The following NPC1 variants were observed in gnomAD, a reference collection of about 807,000 sequenced individuals.
The protein encoded by NPC1 is Niemann-Pick C1 protein.
In NPC1, 85 loss-of-function variants were observed where a neutral mutation model predicts 140.4. The observed-to-expected ratio is 0.61, with a 90% CI of 0.51 to 0.72. NPC1 has a LOEUF of 0.72. Ranked by LOEUF, NPC1 falls within the 30% of genes least tolerant of loss-of-function variation. The pLI, the probability that NPC1 is intolerant of heterozygous loss-of-function variation, is 0.00. For missense variants in NPC1, 1,504 were observed against 1,623.8 expected (o/e 0.93, Z 1.27); for synonymous variants, 656 against 624.8 (o/e 1.05, Z -0.74).
chr18:23,527,185 A>T (rs1329399587), downstream of NPC1, among the ~76,000 whole-genome samples: 2 of 140,348 alleles, frequency 1.4e-5, no homozygotes, highest in African/African-American at 2.7e-5. Context: ...GGAGTTCGAG[A>T]CCAGCCTGGA....
intron 1 of NPC1, 76 bp from the exon 2 acceptor site, chr18:23,573,650 T>A (rs542298163): frequency 6.3e-7 from 1 of 1,574,834 alleles, no homozygotes; most frequent in East Asian, 2.2e-5. Flanking sequence ...CCCACTCAAG[T>A]ACAATCACAG....
intron 3 of NPC1, chr18:23,509,806 G>T (rs1292986747): frequency 6.6e-6 from 1 of 151,844 alleles, no homozygotes; most frequent in Non-Finnish European, 1.5e-5. Flanking sequence ...TGATCCACCC[G>T]CCTCGGCCTC....
downstream of NPC1, among the ~76,000 whole-genome samples, chr18:23,525,719 G>A (rs1008948328): frequency 1.3e-5 from 2 of 152,070 alleles, no homozygotes; most frequent in African/African-American, 4.8e-5. Flanking sequence ...CACCACAGCC[G>A]GCCTATAATT....
Position 23,553,146 on chromosome 18 carries a change from G to A in NPC1, c.1554-1419C>T, listed in dbSNP as rs547136295. Among the ~76,000 whole-genome samples, 9 of 152,308 alleles carry A rather than the reference G, an allele frequency of 5.9e-5. No individual in the cohort carries two copies. The South Asian group carries it at 1.0e-3, about 18-fold the overall frequency. Reference sequence around the variant, plus strand: ...CCAGGAGCCTGCCACTCCCTGTACCGCTTCCACACTGGTGGGAACCACGTC... The same window carrying A: ...CCAGGAGCCTGCCACTCCCTGTACCACTTCCACACTGGTGGGAACCACGTC... On this transcript the variant is annotated intron_variant, in intron 9 of 24. Coordinates refer to ENST00000269228, the MANE Select transcript of NPC1 (RefSeq NM_000271.5).
chr18:23,510,878 G>A (rs71202128), intron 3 of NPC1, among the ~76,000 whole-genome samples: 1 of 152,228 alleles, frequency 6.6e-6, no homozygotes, highest in African/African-American at 2.4e-5. Context: ...CTATTGCTGG[G>A]AGTGTAAATT....
chr18:23,530,337 C>T, downstream of NPC1: 1 of 1,613,996 alleles, frequency 6.2e-7, no homozygotes, highest in East Asian at 2.2e-5. Flanking sequence ...TGGAAACTAA[C>T]TCTGTTCCTG....
chr18:23,553,080 C>T (rs531553461), intron 9 of NPC1, among the ~76,000 whole-genome samples: 8 of 152,310 alleles, frequency 5.3e-5, no homozygotes, highest in South Asian at 2.1e-4. Flanking sequence ...GTTATGAGGA[C>T]GCGCACAAGC....
At chr18:23,512,301 G>A (rs6507706) in intron 3 of NPC1, among the ~76,000 whole-genome samples, 1,766 of 152,150 alleles carry the variant, frequency 0.012, 37 homozygotes, top group African/African-American at 0.041. Flanking sequence ...GATTACAGGC[G>A]TGAGCCACCA....
rs1208178293 is a variant in NPC1, at chr18:23,586,390, G to C, written c.-47C>G. ...TGACGCCGGCGGCGTTCGGCTGGTTGGGCTCCCCGGAGGCGGCTCTACTTC... is the reference window on the plus strand; with the variant it reads ...TGACGCCGGCGGCGTTCGGCTGGTTCGGCTCCCCGGAGGCGGCTCTACTTC... On this transcript the variant is annotated 5_prime_UTR_variant, in exon 1 of 25. Transcript: ENST00000269228. 5 of 1,530,014 alleles carry C rather than the reference G, an allele frequency of 3.3e-6. 1 individual carries two copies. Among genetic ancestry groups the C allele is most frequent in the South Asian group, 2.4e-5 (2 of 83,492 alleles). 94.8% of individuals were successfully genotyped at this position (1,530,014 alleles called of 1,614,324 possible).
At chr18:23,561,895 G>A (rs1284238526) in intron 4 of NPC1, among the ~76,000 whole-genome samples, 3 of 152,160 alleles carry the variant, frequency 2.0e-5, no homozygotes, top group Admixed American at 6.5e-5. Context: ...AGTTAACAAA[G>A]CTGGTTCCAG....
rs1043092032 is a variant in NPC1 at position 23,533,290 on chromosome 18, A to G, written c.3754+65T>C. 5.5e-6 allele frequency: 8 copies of G among 1,442,334 alleles called. No individual in the cohort carries two copies. The African/African-American group carries it at 1.1e-4, about 20-fold the overall frequency. 89.3% of individuals were successfully genotyped at this position (1,442,334 alleles called of 1,614,324 possible). On this transcript the variant is annotated intron_variant, in intron 24 of 24. Coordinates refer to ENST00000269228, the MANE Select transcript of NPC1 (RefSeq NM_000271.5). Reference sequence around the variant, plus strand: ...TTCAAATACTTGAAAAGAATGCCTCAGGATAGAATTCCCTTTCAGTAATGT... The same window carrying G: ...TTCAAATACTTGAAAAGAATGCCTCGGGATAGAATTCCCTTTCAGTAATGT...
chr18:23,526,573 CCA>C, downstream of NPC1: 1 of 1,579,994 alleles, frequency 6.3e-7, no homozygotes, highest in Non-Finnish European at 8.6e-7. Flanking sequence ...TTTAGGGGAA[CCA>C]CTTTTGGGCT....
At chr18:23,507,955 TTGTGTGTGTCTG>T in intron 3 of NPC1, 1 of 1,605,032 alleles carries the variant, frequency 6.2e-7, no homozygotes, top group East Asian at 2.2e-5. Context: ...TAATCCAAAT[TTGTGTGTGTCTG>T]TGTGTTTTTC....
downstream of NPC1, among the ~76,000 whole-genome samples, chr18:23,525,141 T>C (rs2058259858): frequency 6.6e-6 from 1 of 151,432 alleles, no homozygotes; most frequent in Non-Finnish European, 1.5e-5. Context: ...AGACGAGGTT[T>C]TTCCATGTTG....
Position 23,561,445 on chromosome 18 carries a change from G to A in NPC1, c.546C>T (p.Asp182=), listed in dbSNP as rs572499557. The A allele has an allele frequency of 3.7e-5, 59 of 1,614,120 alleles. No homozygotes were observed. The highest frequency in any genetic ancestry group is 1.6e-4 in the African/African-American group (12 of 75,038). ...ALGLLCGKDA[D]ACNATNWIEY... is the part of the protein sequence containing the mutation. ...CAATCCAGTTGGTGGCATTACAGGC[G>A]TCAGCGTCCTTCCCACACAGGAGTC... Residue 182 remains aspartate, a synonymous_variant, in exon 5 of 25, where the codon GAC becomes GAT. Transcript: ENST00000269228.
At chr18:23,550,937 G>A (rs1168910531) in intron 10 of NPC1, among the ~76,000 whole-genome samples, 1 of 152,188 alleles carries the variant, frequency 6.6e-6, no homozygotes, top group Non-Finnish European at 1.5e-5. Context: ...CCTCTCTGAT[G>A]CACAGTAAAT....
chr18:23,526,019 T>C (rs2058289528), downstream of NPC1, among the ~76,000 whole-genome samples: 1 of 152,224 alleles, frequency 6.6e-6, no homozygotes, highest in African/African-American at 2.4e-5. Context: ...GGTGTTTTCC[T>C]GTACAGCTGC....
intron 3 of NPC1, among the ~76,000 whole-genome samples, chr18:23,516,864 T>C (rs1023240764): frequency 6.6e-6 from 1 of 151,994 alleles, no homozygotes; most frequent in African/African-American, 2.4e-5. Flanking sequence ...TAGCTGGGAT[T>C]ACAAGTGTGC....
chr18:23,518,516 G>T (rs991031849), downstream of NPC1, among the ~76,000 whole-genome samples: 1 of 151,908 alleles, frequency 6.6e-6, no homozygotes, highest in Non-Finnish European at 1.5e-5. Flanking sequence ...AAAAAAAATA[G>T]TGATTATATT....
Sources: gnomAD v4.1 joint callset for allele counts (sites outside exome capture counted in the v4.1 genomes callset) on GRCh38, gnomAD v4.1.1 for gene constraint, MANE v1.5 for transcripts, NCBI Gene and HGNC (gene_info 2026-07-23, HGNC 2026-07-21) for gene names.